EPM2A: variants seen among roughly 807,000 people sequenced by gnomAD.
EPM2A encodes EPM2A glucan phosphatase, laforin, also known as laforin.
EPM2A carries 21 observed loss-of-function variants against 26.5 expected under a neutral mutation model. The observed-to-expected ratio is 0.79, with a 90% CI of 0.56 to 1.14. The LOEUF (loss-of-function observed/expected upper bound fraction) is 1.14. Ranked by LOEUF, EPM2A falls within the 50% of genes most tolerant of loss-of-function variation. The pLI, the probability that EPM2A is intolerant of heterozygous loss-of-function variation, is 0.00. For synonymous variants in EPM2A, 217 were observed against 177.6 expected, an observed-to-expected ratio of 1.22 and a Z score of -1.76; for missense variants, 458 against 440.8, an observed-to-expected ratio of 1.04 and a Z score of -0.35.
chr6:145,446,650 T>C lies in EPM2A; in HGVS notation c.555+55872A>G, dbSNP rs1779132541. On this transcript the variant is annotated intron_variant, in intron 4 of 4. Coordinates refer to the EPM2A transcript ENST00000638717. The stretch of plus-strand genomic sequence containing the variant: ...CACCTCCTTGGCAGGATTACTTTTT[T>C]CTCTCTCTCTCTGGAAACCTTGATC... 3.3e-5 allele frequency among the ~76,000 whole-genome samples: 5 copies of C among 152,026 alleles called. No homozygotes were observed. The South Asian group carries it at 1.0e-3, about 32-fold the overall frequency.
At chr6:145,493,037 T>C (rs1401163018) in intron 4 of EPM2A, among the ~76,000 whole-genome samples, 2 of 152,098 alleles carry the variant, frequency 1.3e-5, no homozygotes, top group African/African-American at 4.8e-5. Context: ...TCAAAGCCTC[T>C]CATTCCATGC....
rs187412032 is a variant in EPM2A, at chr6:145,517,128, T to C, written c.341-14553A>G. ...TACAACTACTATACAATACCACTCA[T>C]ACAAGGTAGCTAAAATAGTCAAACT... is the stretch of plus-strand genomic sequence containing the variant. On this transcript the variant is annotated intron_variant, in intron 2 of 3. Transcript: ENST00000450221. Among the ~76,000 whole-genome samples the C allele has an allele frequency of 3.2e-3, 492 of 152,284 alleles. 3 individuals carry two copies. Among genetic ancestry groups the C allele is most frequent in the Middle Eastern group, 0.014 (4 of 294 alleles).
At chr6:145,455,310 C>CT (rs1354839101) in intron 4 of EPM2A, among the ~76,000 whole-genome samples, 1 of 53,394 alleles carries the variant, frequency 1.9e-5, no homozygotes, top group Non-Finnish European at 4.3e-5. Context: ...AAGAAAAAAA[C>CT]AACTACTTAT....
At chr6:145,653,860 C>T (rs1738092508) in intron 2 of EPM2A, among the ~76,000 whole-genome samples, 1 of 152,194 alleles carries the variant, frequency 6.6e-6, no homozygotes, top group Admixed American at 6.5e-5. Context: ...TAAAAAACAC[C>T]TTCACTAGAA....
At chr6:145,501,923 G>C (rs1779895905) in intron 3 of EPM2A, 1 of 466,762 alleles carries the variant, frequency 2.1e-6, no homozygotes, top group Non-Finnish European at 4.4e-6. Context: ...CAGATGTGAA[G>C]GCTTAGACTG....
chr6:145,651,764 A>T (rs1777898343), intron 2 of EPM2A, among the ~76,000 whole-genome samples: 2 of 152,184 alleles, frequency 1.3e-5, no homozygotes, highest in South Asian at 4.1e-4. Context: ...CCTAGAGACC[A>T]ACACACCCTC....
intron 2 of EPM2A, among the ~76,000 whole-genome samples, chr6:145,663,537 A>G (rs1314959857): frequency 2.0e-5 from 3 of 152,196 alleles, no homozygotes; most frequent in Non-Finnish European, 2.9e-5. Flanking sequence ...TCTACGTCTG[A>G]TTGGTGTACC....
intron 2 of EPM2A, among the ~76,000 whole-genome samples, chr6:145,521,386 T>C (rs1780200150): frequency 6.6e-6 from 1 of 152,192 alleles, no homozygotes; most frequent in South Asian, 2.1e-4. Context: ...CTTGCCTGAT[T>C]ACCAGGCGAT....
At chr6:145,530,543 C>G (rs918728988) in intron 2 of EPM2A, among the ~76,000 whole-genome samples, 2 of 152,082 alleles carry the variant, frequency 1.3e-5, no homozygotes, top group Admixed American at 1.3e-4. Context: ...AACTTACTAC[C>G]CACATTATTG....
At chr6:145,441,629 T>A (rs957184455) in intron 4 of EPM2A, among the ~76,000 whole-genome samples, 12 of 152,134 alleles carry the variant, frequency 7.9e-5, no homozygotes, top group African/African-American at 2.7e-4. Flanking sequence ...CCTGGGAGGC[T>A]GAGGCAGGTG....
chr6:145,419,414 A>G (rs189710206), intron 4 of EPM2A, among the ~76,000 whole-genome samples: 1 of 152,302 alleles, frequency 6.6e-6, no homozygotes, highest in East Asian at 1.9e-4. Flanking sequence ...AAAATATTTA[A>G]AGCACAGGCA....
chr6:145,386,756 A>G (rs1413612556), intron 4 of EPM2A, among the ~76,000 whole-genome samples: 1 of 152,166 alleles, frequency 6.6e-6, no homozygotes, highest in Non-Finnish European at 1.5e-5. Context: ...AGAGAGATGA[A>G]AAAATGAAAA....
chr6:145,479,371 C>G (rs546427543), intron 4 of EPM2A, among the ~76,000 whole-genome samples: 2 of 149,540 alleles, frequency 1.3e-5, no homozygotes, highest in Non-Finnish European at 3.0e-5. Context: ...TGTTGTGCAA[C>G]TATCACCACT....
At chr6:145,612,499 A>AT (rs1442249995) in intron 2 of EPM2A, among the ~76,000 whole-genome samples, 3 of 151,980 alleles carry the variant, frequency 2.0e-5, no homozygotes, top group Non-Finnish European at 4.4e-5. Context: ...CCAGAAAACA[A>AT]TTTCTTTCAT....
At chr6:145,644,143 C>T (rs560902086) in intron 2 of EPM2A, among the ~76,000 whole-genome samples, 14 of 152,292 alleles carry the variant, frequency 9.2e-5, no homozygotes, top group African/African-American at 3.4e-4. Flanking sequence ...TTCAGCTATA[C>T]TGGGATGTTA....
intron 3 of EPM2A, chr6:145,502,468 G>T (rs1316327292): frequency 2.8e-5 from 13 of 466,900 alleles, no homozygotes; most frequent in Non-Finnish European, 5.3e-5. Flanking sequence ...CTGAAGAAGA[G>T]ATGACAGCCA....
chr6:145,586,472 T>C (rs1300357837), intron 2 of EPM2A, among the ~76,000 whole-genome samples: 1 of 152,182 alleles, frequency 6.6e-6, no homozygotes, highest in Non-Finnish European at 1.5e-5. Context: ...CAGGATACTG[T>C]CAATATCAAA....
At chr6:145,477,099 A>T (rs1779552409) in intron 4 of EPM2A, among the ~76,000 whole-genome samples, 1 of 151,948 alleles carries the variant, frequency 6.6e-6, no homozygotes, top group Non-Finnish European at 1.5e-5. Flanking sequence ...ATCAGAAATG[A>T]AAAAGGAGAC....
At chr6:145,437,427 T>C (rs930253339) in intron 4 of EPM2A, among the ~76,000 whole-genome samples, 1 of 152,178 alleles carries the variant, frequency 6.6e-6, no homozygotes, top group African/African-American at 2.4e-5. Context: ...GAATACAGCA[T>C]GTATTTTCCC....
Sources: gnomAD v4.1 joint callset for allele counts (sites outside exome capture counted in the v4.1 genomes callset) on GRCh38, gnomAD v4.1.1 for gene constraint, MANE v1.5 for transcripts, NCBI Gene and HGNC (gene_info 2026-07-23, HGNC 2026-07-21) for gene names.